DAZAP2: variants seen among roughly 807,000 people sequenced by gnomAD.
DAZAP2 encodes the protein DAZ-associated protein 2.
Under a neutral mutation model 16.2 loss-of-function variants are expected in DAZAP2, and 3 were observed. That is an observed-to-expected ratio of 0.19 (90% CI 0.08 to 0.48). The LOEUF is 0.48. Ranked by LOEUF, DAZAP2 falls within the 20% of genes least tolerant of loss-of-function variation. The pLI, the probability that DAZAP2 is intolerant of heterozygous loss-of-function variation, is 0.98. For synonymous variants in DAZAP2, 69 were observed against 77.6 expected (o/e 0.89, Z 0.58); for missense variants, 172 against 215.9 (o/e 0.80, Z 1.27).
chr12:51,246,268 C>A (rs1237944695), downstream of DAZAP2: 18 of 1,132,426 alleles, frequency 1.6e-5, no homozygotes, highest in South Asian at 1.7e-5. Context: ...CATGTTCCCC[C>A]ACCAACCCCA....
downstream of DAZAP2, chr12:51,245,638 C>T (rs963934053): frequency 2.0e-5 from 6 of 306,650 alleles, no homozygotes; most frequent in South Asian, 3.4e-4. Context: ...CTCCCTTCAA[C>T]CTGTGAAAAA....
At chr12:51,239,318 TG>T (rs1944618851) in intron 1 of DAZAP2, 1 of 222,946 alleles carries the variant, frequency 4.5e-6, no homozygotes. Context: ...AGTTGGTTCG[TG>T]GGCCGGGGCC....
At chr12:51,244,706 G>C (rs1386677194), downstream of DAZAP2, 4 of 152,134 alleles carry the variant, frequency 2.6e-5, no homozygotes, top group Non-Finnish European at 4.4e-5. Flanking sequence ...GGATACACTG[G>C]GAAAGGTGGT....
Position 51,239,075 on chromosome 12 carries a change from G to A in DAZAP2, c.13+155G>A, listed in dbSNP as rs977967426. 9 of 1,068,886 alleles carry A rather than the reference G, an allele frequency of 8.4e-6. No individual in the cohort carries two copies. The African/African-American group carries it at 1.1e-4, about 13-fold the overall frequency. 66.2% of individuals were successfully genotyped at this position (1,068,886 alleles called of 1,614,324 possible). A position where few individuals can be genotyped will look rare whatever the true frequency, so the allele number is the denominator to read the frequency against. On this transcript the variant is annotated intron_variant, in intron 1 of 3. Coordinates refer to ENST00000412716, the MANE Select transcript of DAZAP2 (RefSeq NM_014764.4). ...CCAGGGCGCTGCGCCTGACGCCTTC[G>A]TCATACCCAAATTACGGCAGCTTGC... is the stretch of plus-strand genomic sequence containing the variant.
In DAZAP2 at chr12:51,240,729, T is replaced by C. The variant is rs1047065846; in HGVS notation, c.133-142T>C. On this transcript the variant is annotated intron_variant, in intron 2 of 3. Transcript: ENST00000412716. ...TAGCAGAAAGTGATCCAGGAGAATA[T>C]TGAAGGCCAGTGGAAAGGCAACTTG... The C allele has an allele frequency of 2.0e-5, 23 of 1,173,920 alleles. No individual in the cohort carries two copies. The African/African-American group carries it at 2.0e-4, about 10-fold the overall frequency. The allele number at this position is 1,173,920 out of a possible 1,614,324, so 72.7% of individuals were successfully genotyped here.
rs1944695659 is a variant in DAZAP2, at chr12:51,242,497, T to A, written c.*39T>A. 6.2e-7 allele frequency: 1 copy of A among 1,613,604 alleles called. No homozygotes were observed. Among genetic ancestry groups the A allele is most frequent in the Non-Finnish European group, 8.5e-7 (1 of 1,180,028 alleles). The stretch of plus-strand genomic sequence containing the variant: ...CCTCTGTGCCGGGAAAGACATCACA[T>A]ACCTTCAGCACTTCTCACAATGTAA... On this transcript the variant is annotated 3_prime_UTR_variant, in exon 4 of 4. Transcript: ENST00000412716.
chr12:51,239,117 C>G, intron 1 of DAZAP2, 197 bp downstream of exon 1: 1 of 738,032 alleles, frequency 1.4e-6, no homozygotes, highest in South Asian at 1.9e-5. Context: ...CAGGCCCTTT[C>G]CTCCGTAAAC....
At chr12:51,246,604 CTGTGTGTGTGTG>C (rs59561227), downstream of DAZAP2, 41 of 338,216 alleles carry the variant, frequency 1.2e-4, no homozygotes, top group South Asian at 3.2e-4. Flanking sequence ...TCTTTTATGG[CTGTGTGTGTGTG>C]TGTGTGTGTG....
intron 1 of DAZAP2, 114 bp from the exon 2 acceptor site, chr12:51,240,217 CCTCTGGGGCAGA>C (rs1342983898): frequency 2.7e-6 from 2 of 730,414 alleles, no homozygotes; most frequent in East Asian, 4.9e-5. Flanking sequence ...GGAATCAGGC[CCTCTGGGGCAGA>C]CTATTTGCAA....
Position 51,243,255 on chromosome 12 carries a change from C to T in DAZAP2, c.*797C>T. 1.0e-6 allele frequency: 1 copy of T among 985,866 alleles called. No individual in the cohort carries two copies. The highest frequency in any genetic ancestry group is 1.2e-6 in the Non-Finnish European group (1 of 830,014). 61.1% of individuals were successfully genotyped at this position (985,866 alleles called of 1,614,324 possible). A position where few individuals can be genotyped will look rare whatever the true frequency, so the allele number is the denominator to read the frequency against. The stretch of plus-strand genomic sequence containing the variant: ...CCAGAAAAACTGAGCTATGTTTGAA[C>T]AAAGATGTCGTGCAAACTGTACTGT... On this transcript the variant is annotated 3_prime_UTR_variant, in exon 4 of 4. Transcript: ENST00000412716.
chr12:51,241,749 C>T (rs1002620429), intron 3 of DAZAP2, among the ~76,000 whole-genome samples: 15 of 151,930 alleles, frequency 9.9e-5, no homozygotes, highest in South Asian at 8.3e-4. Flanking sequence ...GGTGAAACCC[C>T]GACTCTACTA....
intron 2 of DAZAP2, chr12:51,240,669 G>A: frequency 1.2e-6 from 1 of 865,316 alleles, no homozygotes; most frequent in Non-Finnish European, 1.7e-6. Flanking sequence ...AGGTGCAGAA[G>A]ATGAATTTGC....
downstream of DAZAP2, chr12:51,245,746 T>G: frequency 1.7e-6 from 1 of 574,788 alleles, no homozygotes; most frequent in Non-Finnish European, 3.0e-6. Flanking sequence ...GTTAAAGATA[T>G]CATAAACAGC....
intron 1 of DAZAP2, 192 bp downstream of exon 1, chr12:51,239,112 C>A: frequency 2.5e-6 from 2 of 785,922 alleles, no homozygotes; most frequent in Non-Finnish European, 3.9e-6. Context: ...GCCTCCAGGC[C>A]CTTTCCTCCG....
At position 51,242,718 on chromosome 12, in the gene DAZAP2, T is replaced by C; in HGVS notation, c.*260T>C. The stretch of plus-strand genomic sequence containing the variant: ...TGTGGGTGAAGCCGCCCTAAGGATT[T>C]TCCTTTAATTTCTCTGGAGTAATAC... On this transcript the variant is annotated 3_prime_UTR_variant, in exon 4 of 4. Coordinates refer to ENST00000412716, the MANE Select transcript of DAZAP2 (RefSeq NM_014764.4). The C allele has an allele frequency of 1.4e-6, 2 of 1,469,234 alleles. No homozygotes were observed. The highest frequency in any genetic ancestry group is 1.8e-6 in the Non-Finnish European group (2 of 1,113,876). 91.0% of individuals were successfully genotyped at this position (1,469,234 alleles called of 1,614,324 possible). A position where few individuals can be genotyped will look rare whatever the true frequency, so the allele number is the denominator to read the frequency against.
Position 51,242,485 on chromosome 12 carries a change from A to G in DAZAP2, c.*27A>G, listed in dbSNP as rs2137286748. On this transcript the variant is annotated 3_prime_UTR_variant, in exon 4 of 4. Coordinates refer to ENST00000412716, the MANE Select transcript of DAZAP2 (RefSeq NM_014764.4). ...GAACCAAGGCCACCTCTGTGCCGGGAAAGACATCACATACCTTCAGCACTT... is the reference window on the plus strand; with the variant it reads ...GAACCAAGGCCACCTCTGTGCCGGGGAAGACATCACATACCTTCAGCACTT... The G allele has an allele frequency of 6.2e-7, 1 of 1,613,852 alleles. No homozygotes were observed.
intron 1 of DAZAP2, 186 bp from the exon 2 acceptor site, chr12:51,240,157 G>A: frequency 1.7e-6 from 1 of 601,054 alleles, no homozygotes; most frequent in Non-Finnish European, 3.0e-6. Context: ...TTAGAATCCA[G>A]CACCTTCCAT....
At chr12:51,244,025 CT>C, downstream of DAZAP2, 1 of 615,938 alleles carries the variant, frequency 1.6e-6, no homozygotes, top group Non-Finnish European at 2.0e-6. Flanking sequence ...CGGACCTAAA[CT>C]TAGAAATGAG....
At chr12:51,246,366 C>A, downstream of DAZAP2, 1 of 512,358 alleles carries the variant, frequency 2.0e-6, no homozygotes, top group Non-Finnish European at 3.4e-6. Flanking sequence ...AACTGCCTCC[C>A]AAACCAGTTC....
Sources: allele counts gnomAD v4.1 joint callset (sites outside exome capture counted in the v4.1 genomes callset), GRCh38; gene constraint gnomAD v4.1.1; transcripts MANE v1.5; gene names NCBI Gene and HGNC (gene_info 2026-07-23, HGNC 2026-07-21).